Variants in SH2D4A observed in about 807,000 individuals in gnomAD.
SH2D4A encodes SH2 domain-containing protein 4A.
Under a neutral mutation model 64.7 loss-of-function variants are expected in SH2D4A, and 70 were observed. The ratio of observed to expected loss-of-function variants is 1.08; its 90% confidence interval spans 0.89 to 1.32. The LOEUF (loss-of-function observed/expected upper bound fraction) is 1.32. Ranked by LOEUF, SH2D4A falls within the 40% of genes most tolerant of loss-of-function variation. The pLI is 0.00. For missense variants in SH2D4A, 706 were observed against 540.1 expected, an observed-to-expected ratio of 1.31 and a Z score of -3.04; for synonymous variants, 268 against 200.7, an observed-to-expected ratio of 1.34 and a Z score of -2.83.
chr8:19,313,805 C>A lies in SH2D4A; in HGVS notation c.-223C>A, dbSNP rs28366046. 1.1e-5 allele frequency: 17 copies of A among 1,507,910 alleles called. No individual in the cohort carries two copies. Among genetic ancestry groups the A allele is most frequent in the Admixed American group, 2.1e-5 (1 of 48,478 alleles). The allele number at this position is 1,507,910 out of a possible 1,614,324, so 93.4% of individuals were successfully genotyped here. On this transcript the variant is annotated 5_prime_UTR_variant, in exon 1 of 10. Coordinates refer to ENST00000265807, the MANE Select transcript of SH2D4A (RefSeq NM_022071.4). ...GTGGCGGGTGATCGAGCCACCCTGC[C>A]CAGGGGCGCCCAGCACTGGTAGGTG...
chr8:19,361,970 A>C (rs540331141), intron 6 of SH2D4A, among the ~76,000 whole-genome samples: 2 of 152,346 alleles, frequency 1.3e-5, no homozygotes, highest in East Asian at 3.9e-4. Context: ...TAGGAGAAGA[A>C]TAAGCCCATG....
chr8:19,330,566 A>G (rs970711597), intron 2 of SH2D4A, among the ~76,000 whole-genome samples: 11 of 152,060 alleles, frequency 7.2e-5, no homozygotes, highest in African/African-American at 2.7e-4. Flanking sequence ...AACTGCTCAC[A>G]TGCAGTCCTA....
intron 4 of SH2D4A, among the ~76,000 whole-genome samples, chr8:19,347,284 G>A (rs2052627770): frequency 6.6e-6 from 1 of 152,208 alleles, no homozygotes; most frequent in South Asian, 2.1e-4. Context: ...GCCATTCCCA[G>A]GCAAGGATGA....
chr8:19,361,924 T>C (rs1449935985), intron 6 of SH2D4A, among the ~76,000 whole-genome samples: 2 of 152,160 alleles, frequency 1.3e-5, no homozygotes, highest in Admixed American at 6.5e-5. Flanking sequence ...CAGCCTTGAC[T>C]CCTATTTGAG....
Position 19,319,532 on chromosome 8 carries a change from C to A in SH2D4A, c.-16C>A. On this transcript the variant is annotated 5_prime_UTR_variant, in exon 2 of 10. Coordinates refer to ENST00000265807, the MANE Select transcript of SH2D4A (RefSeq NM_022071.4). ...GAACTTTTGCCACAAGTATAAAAGA[C>A]TTCAGAAGTGCAAAGATGCTGAAAC... 1 of 1,492,310 alleles carries A rather than the reference C, an allele frequency of 6.7e-7. No individual in the cohort carries two copies. Among genetic ancestry groups the A allele is most frequent in the Non-Finnish European group, 8.9e-7 (1 of 1,118,836 alleles). 92.4% of individuals were successfully genotyped at this position (1,492,310 alleles called of 1,614,324 possible). A position where few individuals can be genotyped will look rare whatever the true frequency, so the allele number is the denominator to read the frequency against.
At chr8:19,374,045 C>G (rs1165807924) in intron 8 of SH2D4A, among the ~76,000 whole-genome samples, 2 of 152,202 alleles carry the variant, frequency 1.3e-5, no homozygotes, top group East Asian at 1.9e-4. Context: ...GGACAGGACA[C>G]TGGCTGAGCA....
At chr8:19,367,841 T>TG (rs2053025377) in intron 7 of SH2D4A, among the ~76,000 whole-genome samples, 2 of 152,062 alleles carry the variant, frequency 1.3e-5, no homozygotes, top group Admixed American at 1.3e-4. Flanking sequence ...TTTGGGAGGC[T>TG]GGGGTGGGAG....
chr8:19,369,959 T>TTC, intron 7 of SH2D4A, among the ~76,000 whole-genome samples: 1 of 152,218 alleles, frequency 6.6e-6, no homozygotes, highest in African/African-American at 2.4e-5. Context: ...GGAATAAACA[T>TTC]CACTCTTAGA....
intron 4 of SH2D4A, among the ~76,000 whole-genome samples, chr8:19,336,044 G>C (rs1397202216): frequency 6.6e-6 from 1 of 152,180 alleles, no homozygotes; most frequent in East Asian, 1.9e-4. Context: ...GACCTAGTGA[G>C]ACTCTGATAA....
chr8:19,334,544 C>CAAAGG, intron 3 of SH2D4A, 142 bp from the exon 4 acceptor site: 1 of 820,704 alleles, frequency 1.2e-6, no homozygotes, highest in Non-Finnish European at 1.8e-6. Flanking sequence ...ACACACCTAG[C>CAAAGG]AAAGGGCCCA....
At chr8:19,317,595 C>T (rs1299910011) in intron 1 of SH2D4A, among the ~76,000 whole-genome samples, 2 of 152,058 alleles carry the variant, frequency 1.3e-5, no homozygotes, top group African/African-American at 2.4e-5. Context: ...AGCTGTTGAG[C>T]GTGCTTGTCT....
chr8:19,331,413 C>T (rs1019193991), intron 2 of SH2D4A, among the ~76,000 whole-genome samples: 26 of 152,174 alleles, frequency 1.7e-4, no homozygotes, highest in African/African-American at 6.3e-4. Context: ...CCACCTTTGG[C>T]CCACAGTTGC....
At chr8:19,363,122 C>A (rs1304932751) in intron 6 of SH2D4A, among the ~76,000 whole-genome samples, 1 of 152,030 alleles carries the variant, frequency 6.6e-6, no homozygotes, top group Non-Finnish European at 1.5e-5. Flanking sequence ...GTCACCCAGG[C>A]TGGAGTGCGA....
rs1372660828 is a variant in SH2D4A at position 19,334,783 on chromosome 8, A to G, written c.439A>G (p.Lys147Glu). The change falls in exon 4 of 10, where the codon AAG becomes GAG. Residue 147 changes from lysine to glutamate, a missense_variant. Coordinates refer to ENST00000265807, the MANE Select transcript of SH2D4A (RefSeq NM_022071.4). ...PDNQQTKDIW[K>E]KVAEKEELEQ... is the part of the protein sequence containing the mutation. The stretch of plus-strand genomic sequence containing the variant: ...TAACCAGCAGACTAAAGACATCTGG[A>G]AGAAAGTGGCAGAAAAGGAGGAACT... The G allele has an allele frequency of 6.2e-7, 1 of 1,614,152 alleles. No homozygotes were observed. The highest frequency in any genetic ancestry group is 1.3e-5 in the African/African-American group (1 of 75,036).
intron 7 of SH2D4A, among the ~76,000 whole-genome samples, chr8:19,371,525 G>A (rs2053095657): frequency 6.6e-6 from 1 of 152,094 alleles, no homozygotes; most frequent in South Asian, 2.1e-4. Context: ...CTGAGGGTTT[G>A]ATTATAATAT....
At chr8:19,313,974 C>A in intron 1 of SH2D4A, 151 bp downstream of exon 1, 1 of 1,253,486 alleles carries the variant, frequency 8.0e-7, no homozygotes, top group South Asian at 3.1e-5. Flanking sequence ...TCCACCCCTT[C>A]GCGGCGCCCG....
chr8:19,338,224 C>A (rs950582111), intron 4 of SH2D4A, among the ~76,000 whole-genome samples: 2 of 152,162 alleles, frequency 1.3e-5, no homozygotes, highest in Non-Finnish European at 2.9e-5. Flanking sequence ...GAGAGACAGA[C>A]CCACTTTCTG....
Position 19,393,311 on chromosome 8 carries a change from G to A in SH2D4A, c.1049-7G>A. The A allele has an allele frequency of 6.2e-7, 1 of 1,607,754 alleles. No individual in the cohort carries two copies. The highest frequency in any genetic ancestry group is 8.5e-7 in the Non-Finnish European group (1 of 1,178,302). ...TGAAATACCTGCCTTTTTTTGCTTTGCCACAGGAATTCTCACACTCAAGAA... is the reference window on the plus strand; with the variant it reads ...TGAAATACCTGCCTTTTTTTGCTTTACCACAGGAATTCTCACACTCAAGAA... On this transcript the variant is annotated splice_region_variant and splice_polypyrimidine_tract_variant and intron_variant, in intron 8 of 9. Transcript: ENST00000265807.
At chr8:19,337,551 G>T (rs2052462658) in intron 4 of SH2D4A, among the ~76,000 whole-genome samples, 1 of 152,150 alleles carries the variant, frequency 6.6e-6, no homozygotes, top group African/African-American at 2.4e-5. Context: ...ATGTGAGAGA[G>T]AGTGTACTAG....
Sources: allele counts gnomAD v4.1 joint callset (sites outside exome capture counted in the v4.1 genomes callset), GRCh38; gene constraint gnomAD v4.1.1; transcripts MANE v1.5; gene names NCBI Gene and HGNC (gene_info 2026-07-23, HGNC 2026-07-21).